Variants in ZNF804A observed in about 807,000 individuals in gnomAD.
ZNF804A encodes zinc finger protein 804A.
Under a neutral mutation model 16.5 loss-of-function variants are expected in ZNF804A, and 2 were observed. The observed-to-expected ratio is 0.12, with a 90% confidence interval of 0.05 to 0.38. ZNF804A has a LOEUF of 0.38. Among genes scored for constraint, ZNF804A ranks in the 10% least tolerant of loss-of-function variants. The pLI is 0.99. For synonymous variants in ZNF804A, 534 were observed against 489.6 expected (o/e 1.09, Z -1.20); for missense variants, 1,473 against 1,390.7 (o/e 1.06, Z -0.94).
intron 1 of ZNF804A, among the ~76,000 whole-genome samples, chr2:184,689,878 A>T (rs1006116035): frequency 6.6e-6 from 1 of 152,032 alleles, no homozygotes; most frequent in Non-Finnish European, 1.5e-5. Context: ...AAGTAAAACA[A>T]CACATAATGT....
At chr2:184,709,144 G>A (rs1337668712) in intron 1 of ZNF804A, among the ~76,000 whole-genome samples, 2 of 152,050 alleles carry the variant, frequency 1.3e-5, no homozygotes, top group East Asian at 1.9e-4. Flanking sequence ...CATGAGCAAG[G>A]ACTTAAAGAG....
At chr2:184,728,371 T>C (rs1242385381) in intron 1 of ZNF804A, among the ~76,000 whole-genome samples, 1 of 151,936 alleles carries the variant, frequency 6.6e-6, no homozygotes, top group Non-Finnish European at 1.5e-5. Flanking sequence ...CATATTTTGA[T>C]GTTTTTAATC....
At chr2:184,888,731 G>A (rs976457778) in intron 2 of ZNF804A, among the ~76,000 whole-genome samples, 7 of 152,020 alleles carry the variant, frequency 4.6e-5, no homozygotes, top group African/African-American at 1.7e-4. Context: ...TTTTATTGTT[G>A]TTGTTTTACT....
chr2:184,689,277 C>A (rs1020356361), intron 1 of ZNF804A, among the ~76,000 whole-genome samples: 4 of 152,086 alleles, frequency 2.6e-5, no homozygotes, highest in African/African-American at 9.7e-5. Flanking sequence ...ATTTCTGATA[C>A]AATCATCTTC....
intron 1 of ZNF804A, among the ~76,000 whole-genome samples, chr2:184,706,857 T>C (rs568895416): frequency 2.0e-5 from 3 of 152,344 alleles, no homozygotes; most frequent in Admixed American, 6.5e-5. Flanking sequence ...CTGATGAGCA[T>C]TTACTACTTT....
intron 1 of ZNF804A, among the ~76,000 whole-genome samples, chr2:184,865,814 T>C (rs994804034): frequency 9.9e-5 from 15 of 152,196 alleles, no homozygotes; most frequent in Non-Finnish European, 2.2e-4. Flanking sequence ...AAATAGAGAT[T>C]ATTTTAATGT....
intron 1 of ZNF804A, among the ~76,000 whole-genome samples, chr2:184,684,558 G>C (rs1226590879): frequency 6.6e-6 from 1 of 151,912 alleles, no homozygotes; most frequent in Non-Finnish European, 1.5e-5. Context: ...TTTTTGTTTT[G>C]TTTTCTTTTT....
intron 1 of ZNF804A, among the ~76,000 whole-genome samples, chr2:184,805,562 G>A (rs575711865): frequency 4.6e-5 from 7 of 152,046 alleles, no homozygotes; most frequent in Admixed American, 4.6e-4. Flanking sequence ...ATCACCAAAG[G>A]AAAAGTAAGG....
At chr2:184,646,600 A>G (rs1691878791) in intron 1 of ZNF804A, among the ~76,000 whole-genome samples, 1 of 152,210 alleles carries the variant, frequency 6.6e-6, no homozygotes. Context: ...CACTTAGATC[A>G]GCAGCCTGAG....
chr2:184,798,120 A>C (rs892842771), intron 1 of ZNF804A, among the ~76,000 whole-genome samples: 3 of 150,584 alleles, frequency 2.0e-5, no homozygotes, highest in African/African-American at 7.3e-5. Flanking sequence ...TTAATCTGAT[A>C]GTCTTTCCTT....
intron 1 of ZNF804A, among the ~76,000 whole-genome samples, chr2:184,653,530 A>G (rs889691107): frequency 1.3e-5 from 2 of 152,204 alleles, no homozygotes; most frequent in African/African-American, 4.8e-5. Context: ...AAGAAAGGAA[A>G]GTAAACTTGG....
chr2:184,661,325 G>A (rs967264138), intron 1 of ZNF804A, among the ~76,000 whole-genome samples: 3 of 152,182 alleles, frequency 2.0e-5, no homozygotes, highest in Admixed American at 1.3e-4. Context: ...TCTTTCACTC[G>A]CACCAACCAC....
chr2:184,701,322 A>G (rs1431133197), intron 1 of ZNF804A, among the ~76,000 whole-genome samples: 2 of 152,002 alleles, frequency 1.3e-5, no homozygotes, highest in Non-Finnish European at 2.9e-5. Flanking sequence ...AACTAGAAAG[A>G]TATTGTATAT....
intron 2 of ZNF804A, among the ~76,000 whole-genome samples, chr2:184,925,551 G>C (rs1685596644): frequency 6.6e-6 from 1 of 151,732 alleles, no homozygotes. Context: ...TGTTATTATT[G>C]ATAAGTAAGA....
chr2:184,731,564 C>CTTTT (rs34877709), intron 1 of ZNF804A, among the ~76,000 whole-genome samples: 72 of 84,672 alleles, frequency 8.5e-4, no homozygotes, highest in East Asian at 2.0e-3. Context: ...GTCTTTAACG[C>CTTTT]TTTTTTTTTT....
At chr2:184,851,772 C>T (rs971763289) in intron 1 of ZNF804A, among the ~76,000 whole-genome samples, 1 of 151,844 alleles carries the variant, frequency 6.6e-6, no homozygotes, top group Non-Finnish European at 1.5e-5. Context: ...TATTGTTTTG[C>T]ATAATGGCTT....
intron 1 of ZNF804A, among the ~76,000 whole-genome samples, chr2:184,770,165 A>C (rs1243082022): frequency 6.6e-6 from 1 of 151,960 alleles, no homozygotes; most frequent in Non-Finnish European, 1.5e-5. Flanking sequence ...TATCCACCAA[A>C]CTTTCTTACT....
At chr2:184,694,361 C>T (rs898118062) in intron 1 of ZNF804A, among the ~76,000 whole-genome samples, 2 of 152,156 alleles carry the variant, frequency 1.3e-5, no homozygotes, top group East Asian at 1.9e-4. Flanking sequence ...AAATCTTGTT[C>T]GCTTGTCCAT....
At chr2:184,608,800 GT>G (rs1691192299) in intron 1 of ZNF804A, among the ~76,000 whole-genome samples, 1 of 152,168 alleles carries the variant, frequency 6.6e-6, no homozygotes. Flanking sequence ...AAGCTGAGAA[GT>G]TTTAGGAATG....
Sources: gnomAD v4.1 joint callset for allele counts (sites outside exome capture counted in the v4.1 genomes callset) on GRCh38, gnomAD v4.1.1 for gene constraint, MANE v1.5 for transcripts, NCBI Gene and HGNC (gene_info 2026-07-23, HGNC 2026-07-21) for gene names.